The following PLEKHG6 variants were observed in gnomAD, a reference collection of about 807,000 sequenced individuals.
The protein encoded by PLEKHG6 is pleckstrin homology and RhoGEF domain containing G6, also known as pleckstrin homology domain-containing family G member 6.
A neutral mutation model predicts 97.5 loss-of-function variants in PLEKHG6; 91 were observed. The ratio of observed to expected loss-of-function variants is 0.93; its 90% CI spans 0.79 to 1.11. PLEKHG6 has a LOEUF of 1.11. Ranked by LOEUF, PLEKHG6 falls within the 50% of genes most tolerant of loss-of-function variation. The pLI, the probability that PLEKHG6 is intolerant of heterozygous loss-of-function variation, is 0.00. For synonymous variants in PLEKHG6, 466 were observed against 425.5 expected, an observed-to-expected ratio of 1.10 and a Z score of -1.17; for missense variants, 1,044 against 1,031.0, an observed-to-expected ratio of 1.01 and a Z score of -0.17.
chr12:6,313,872 A>G, intron 3 of PLEKHG6, 88 bp downstream of exon 3: 3 of 1,269,916 alleles, frequency 2.4e-6, no homozygotes, highest in Non-Finnish European at 3.2e-6. Context: ...GGGAGCTGAG[A>G]ACACAGGTCC....
intron 13 of PLEKHG6, among the ~76,000 whole-genome samples, chr12:6,320,277 G>A (rs139511528): frequency 0.019 from 2,951 of 151,964 alleles, 57 homozygotes; most frequent in Middle Eastern, 0.099. Flanking sequence ...TAAAAAGCAG[G>A]AGGAGTTCAA....
chr12:6,311,315 A>C (rs1339494640), intron 1 of PLEKHG6, among the ~76,000 whole-genome samples: 1 of 152,148 alleles, frequency 6.6e-6, no homozygotes, highest in Non-Finnish European at 1.5e-5. Context: ...GACCAAATAT[A>C]TAGCCCGAAA....
intron 13 of PLEKHG6, among the ~76,000 whole-genome samples, chr12:6,324,961 T>C (rs1437810051): frequency 6.6e-6 from 1 of 152,196 alleles, no homozygotes; most frequent in Non-Finnish European, 1.5e-5. Flanking sequence ...GTTATCTCCC[T>C]TAGTTGCTAG....
Position 6,316,134 on chromosome 12 carries a change from A to G in PLEKHG6, c.607-121A>G, listed in dbSNP as rs1424406855. ...TTGAGATCTTCCAGGCCCAGTGCCC[A>G]GTTCATCCTTCTTCACCCCCGCCCC... is the stretch of plus-strand genomic sequence containing the variant. On this transcript the variant is annotated intron_variant, in intron 6 of 15. Transcript: ENST00000684764. This position sits in a 1 kb window ranked among gnomAD's most constrained non-coding sequence, Gnocchi z 4.1. The G allele has an allele frequency of 9.6e-7, 1 of 1,036,866 alleles. No individual in the cohort carries two copies. The highest frequency in any genetic ancestry group is 1.6e-5 in the African/African-American group (1 of 62,066). 64.2% of individuals were successfully genotyped at this position (1,036,866 alleles called of 1,614,324 possible). A position where few individuals can be genotyped will look rare whatever the true frequency, so the allele number is the denominator to read the frequency against.
chr12:6,315,094 C>T lies in PLEKHG6; in HGVS notation c.384C>T (p.His128=). 6.2e-7 allele frequency: 1 copy of T among 1,613,438 alleles called. No homozygotes were observed. Among genetic ancestry groups the T allele is most frequent in the East Asian group, 2.2e-5 (1 of 44,874 alleles). The stretch of plus-strand genomic sequence containing the variant: ...GGCTGCCCCCTGAGGACCGGCGGCA[C>T]TGGGAGATAGGAGAGGGTGGCGACA... ...MPRLPPEDRR[H]WEIGEGGDSG... is the part of the protein sequence containing the mutation. Residue 128 remains histidine, a synonymous_variant, in exon 4 of 16, where the codon CAC becomes CAT. Transcript: ENST00000684764. The surrounding 1 kb of genome is among the most constrained non-coding windows in gnomAD (Gnocchi z 4.5).
chr12:6,319,680 A>G, intron 13 of PLEKHG6: 1 of 1,532,744 alleles, frequency 6.5e-7, no homozygotes, highest in Non-Finnish European at 8.7e-7. Flanking sequence ...GAAGGTTTGT[A>G]CAGCCTGAAA....
chr12:6,317,776 T>C, intron 9 of PLEKHG6, 80 bp downstream of exon 9: 1 of 1,563,480 alleles, frequency 6.4e-7, no homozygotes, highest in Non-Finnish European at 8.7e-7. Flanking sequence ...TCTGTGACAG[T>C]GTGGCGCTGT....
At chr12:6,311,479 G>A (rs1039173248) in intron 1 of PLEKHG6, among the ~76,000 whole-genome samples, 1 of 152,196 alleles carries the variant, frequency 6.6e-6, no homozygotes, top group South Asian at 2.1e-4. Context: ...AGACTTCGCG[G>A]CCTACACCGT....
At chr12:6,321,176 C>T (rs1260137979) in intron 13 of PLEKHG6, among the ~76,000 whole-genome samples, 2 of 152,088 alleles carry the variant, frequency 1.3e-5, no homozygotes, top group Non-Finnish European at 1.5e-5. Context: ...TGTACCACCA[C>T]ACCTGGCTAA....
intron 13 of PLEKHG6, among the ~76,000 whole-genome samples, chr12:6,324,018 C>T (rs1947785526): frequency 6.6e-6 from 1 of 152,120 alleles, no homozygotes; most frequent in Non-Finnish European, 1.5e-5. Flanking sequence ...GGAGGCATTT[C>T]CTCTCCATGG....
intron 1 of PLEKHG6, 23 bp from the exon 2 acceptor site, chr12:6,312,136 C>A: frequency 8.5e-7 from 1 of 1,181,942 alleles, no homozygotes; most frequent in Non-Finnish European, 1.1e-6. Context: ...ATGGCCCTTC[C>A]ATTCCTCTTT....
At chr12:6,318,673 G>GCCT in intron 11 of PLEKHG6, 72 bp from the exon 12 acceptor site, 1 of 1,529,546 alleles carries the variant, frequency 6.5e-7, no homozygotes, top group Non-Finnish European at 9.0e-7. Flanking sequence ...CCATGCCTGA[G>GCCT]CCTCCTCCCG....
In PLEKHG6 at chr12:6,327,558, C is replaced by T. The variant is rs1409997378; in HGVS notation, c.1975C>T (p.Leu659Phe). Reference protein sequence around the residue: ...LPEGILKGGSLPQEDPPTWSE... With the variant: ...LPEGILKGGSFPQEDPPTWSE... ...GGAAGGAATCCTAAAAGGAGGCAGT[C>T]TTCCCCAGGAAGACCCACCAACCTG... Residue 659 changes from leucine to phenylalanine, a missense_variant, in exon 15 of 16, where the codon CTT becomes TTT. Coordinates refer to ENST00000684764, the MANE Select transcript of PLEKHG6 (RefSeq NM_001384598.1). The T allele has an allele frequency of 6.3e-7, 1 of 1,593,186 alleles. No individual in the cohort carries two copies. Among genetic ancestry groups the T allele is most frequent in the African/African-American group, 1.4e-5 (1 of 73,658 alleles).
At chr12:6,323,077 CT>C (rs11310201) in intron 13 of PLEKHG6, among the ~76,000 whole-genome samples, 80,835 of 151,846 alleles carry the variant, frequency 0.53, 22,425 homozygotes, top group African/African-American at 0.69. Context: ...ACTTTCTCCT[CT>C]TTTTTTTGGT....
At chr12:6,322,084 T>C (rs1030132164) in intron 13 of PLEKHG6, among the ~76,000 whole-genome samples, 1 of 152,186 alleles carries the variant, frequency 6.6e-6, no homozygotes, top group Non-Finnish European at 1.5e-5. Flanking sequence ...GGGCCAGCAC[T>C]GGGCACAGGC....
intron 11 of PLEKHG6, 99 bp downstream of exon 11, chr12:6,318,519 G>C: frequency 7.0e-7 from 1 of 1,426,054 alleles, no homozygotes. Flanking sequence ...TGGGGAAGAG[G>C]ATGTGGTTCT....
chr12:6,319,983 A>C (rs1443488774), intron 13 of PLEKHG6, among the ~76,000 whole-genome samples: 2 of 152,184 alleles, frequency 1.3e-5, no homozygotes, highest in Non-Finnish European at 1.5e-5. Flanking sequence ...ACCTAGGAGT[A>C]TGTCAGGGAG....
rs61753336 is a variant in PLEKHG6 at position 6,319,100 on chromosome 12, C to T, written c.1516C>T (p.Gln506Ter). The T allele has an allele frequency of 6.2e-7, 1 of 1,604,236 alleles. No individual in the cohort carries two copies. The highest frequency in any genetic ancestry group is 2.2e-5 in the East Asian group (1 of 44,550). ...DRAQWLEKTQ[Q>*]AQAALQKLKA... ...TGCCCAGTGGCTGGAGAAGACCCAG[C>T]AGGCCCAGGTATGGGAAAGCCAGCA... The change falls in exon 13 of 16, where the codon CAG (glutamine) becomes TAG (stop). Residue 506 changes from glutamine to a stop codon, truncating the protein, a stop_gained. Coordinates refer to ENST00000684764, the MANE Select transcript of PLEKHG6 (RefSeq NM_001384598.1). LOFTEE classifies it high-confidence loss of function.
chr12:6,321,632 A>G (rs1317286739), intron 13 of PLEKHG6, among the ~76,000 whole-genome samples: 1 of 151,668 alleles, frequency 6.6e-6, no homozygotes, highest in Non-Finnish European at 1.5e-5. Flanking sequence ...AGGTCAGGAG[A>G]TTGAGACCAC....
Sources: gnomAD v4.1 joint callset for allele counts (sites outside exome capture counted in the v4.1 genomes callset) on GRCh38, gnomAD v4.1.1 for gene constraint, Gnocchi (gnomAD v3.1) non-coding constraint, MANE v1.5 for transcripts, NCBI Gene and HGNC (gene_info 2026-07-23, HGNC 2026-07-21) for gene names.